NLRX1: variants seen among roughly 807,000 people sequenced by gnomAD.
NLRX1 encodes NLR family member X1.
NLRX1 carries 67 observed loss-of-function variants against 74.2 expected under a neutral mutation model. The ratio of observed to expected loss-of-function variants is 0.90; its 90% CI spans 0.74 to 1.11. The LOEUF is 1.11. Ranked by LOEUF, NLRX1 falls within the 50% of genes least tolerant of loss-of-function variation. The pLI is 0.00. For synonymous variants in NLRX1, 506 were observed against 559.1 expected (o/e 0.91, Z 1.34); for missense variants, 1,191 against 1,305.4 (o/e 0.91, Z 1.35).
Position 119,169,008 on chromosome 11 carries a change from C to G in NLRX1, c.-343C>G, listed in dbSNP as rs931033705. ...GTCCGCCCAGCCGACCCCTCTGGGC[C>G]GCGGCCGACGGCTCCCGGAACTGGG... On this transcript the variant is annotated 5_prime_UTR_variant, in exon 1 of 10. Transcript: ENST00000409109. The G allele has an allele frequency of 2.0e-5, 3 of 152,246 alleles. No homozygotes were observed. Among genetic ancestry groups the G allele is most frequent in the Non-Finnish European group, 4.4e-5 (3 of 68,068 alleles). The allele number at this position is 152,246 out of a possible 1,614,324, so 9.4% of individuals were successfully genotyped here.
At chr11:119,172,300 T>C (rs1023843657) in intron 2 of NLRX1, 56 bp from the exon 3 acceptor site, 6 of 1,350,364 alleles carry the variant, frequency 4.4e-6, no homozygotes, top group Non-Finnish European at 6.4e-6. Context: ...GATGTAGACA[T>C]GGGTTCTGTG....
chr11:119,168,373 G>C (rs73001306), upstream of NLRX1: 7 of 152,392 alleles, frequency 4.6e-5, no homozygotes, highest in Non-Finnish European at 7.3e-5. Flanking sequence ...CACACACATA[G>C]GTCTGGGCTC....
At position 119,179,894 on chromosome 11, in the gene NLRX1, A is replaced by C. The variant is rs773475362; in HGVS notation, c.1873A>C (p.Met625Leu). 9.3e-6 allele frequency: 15 copies of C among 1,611,958 alleles called. No individual in the cohort carries two copies. Among genetic ancestry groups the C allele is most frequent in the Non-Finnish European group, 1.3e-5 (15 of 1,178,746 alleles). Residue 625 changes from methionine to leucine, a missense_variant, in exon 7 of 10, where the codon ATG becomes CTG. Met to Leu is a conservative substitution (Grantham distance 15, BLOSUM62 2). Coordinates refer to ENST00000409109, the MANE Select transcript of NLRX1 (RefSeq NM_001282144.2). ...GGATGAAGTCTTCGAGCTCTTCCCC[A>C]TGTTCATGGGGGGGCTTCTCTCTGC... ...PEDEVFELFP[M>L]FMGGLLSAHN...
chr11:119,173,646 G>A lies in NLRX1; in HGVS notation c.397G>A (p.Glu133Lys). The A allele has an allele frequency of 6.2e-7, 1 of 1,614,098 alleles. No individual in the cohort carries two copies. The highest frequency in any genetic ancestry group is 8.5e-7 in the Non-Finnish European group (1 of 1,180,034). Residue 133 changes from glutamate to lysine, a missense_variant, in exon 5 of 10, where the codon GAG (glutamate) becomes AAG (lysine). Coordinates refer to ENST00000409109, the MANE Select transcript of NLRX1 (RefSeq NM_001282144.2). The surrounding 1 kb of genome is among the most constrained non-coding windows in gnomAD (Gnocchi z 4.0). Reference protein sequence around the residue: ...LLRPPAELALEHQPPQAGLPP... With the variant: ...LLRPPAELALKHQPPQAGLPP... ...TCGCCCACCCGCGGAGCTGGCCCTG[G>A]AGCATCAGCCACCCCAGGCCGGGCT...
chr11:119,181,169 A>T lies in NLRX1; in HGVS notation c.2268-2A>T, dbSNP rs775932820. The T allele has an allele frequency of 1.2e-6, 2 of 1,613,044 alleles. No homozygotes were observed. The highest frequency in any genetic ancestry group is 2.7e-5 in the African/African-American group (2 of 74,864). The stretch of plus-strand genomic sequence containing the variant: ...CTCCCCTCTGGCCACCTTCTGCTCC[A>T]GCTTGCAACTCAACAGCCTGGGCCC... On this transcript the variant is annotated splice_acceptor_variant, in intron 7 of 9. Coordinates refer to ENST00000409109, the MANE Select transcript of NLRX1 (RefSeq NM_001282144.2). LOFTEE classifies it high-confidence loss of function.
intron 8 of NLRX1, 62 bp from the exon 9 acceptor site, chr11:119,182,032 C>A (rs1258999771): frequency 1.3e-6 from 2 of 1,585,914 alleles, no homozygotes; most frequent in East Asian, 2.2e-5. Context: ...AGTACCACCC[C>A]CAACCTTGCC....
In NLRX1 at chr11:119,171,580, G is replaced by C. The variant is rs654647; in HGVS notation, c.70+107G>C. 6.8e-6 allele frequency: 5 copies of C among 739,934 alleles called. No individual in the cohort carries two copies. The East Asian group carries it at 1.4e-4, about 20-fold the overall frequency. The allele number at this position is 739,934 out of a possible 1,614,324, so 45.8% of individuals were successfully genotyped here. On this transcript the variant is annotated intron_variant, in intron 2 of 9. Coordinates refer to ENST00000409109, the MANE Select transcript of NLRX1 (RefSeq NM_001282144.2). ...CCAGACACCAGGTGCACTAGTCTCA[G>C]CTCCGTGGTTCTCTAGCTGTTGACC...
In NLRX1 at chr11:119,173,998, A is replaced by ACTTC; in HGVS notation, c.751_754dup (p.Arg252LeufsTer10). The ACTTC allele has an allele frequency of 6.2e-7, 1 of 1,614,078 alleles. No homozygotes were observed. The highest frequency in any genetic ancestry group is 8.5e-7 in the Non-Finnish European group (1 of 1,180,006). On this transcript the variant is annotated frameshift_variant, in exon 5 of 10. Transcript: ENST00000409109. LOFTEE classifies it high-confidence loss of function. This position sits in a 1 kb window ranked among gnomAD's most constrained non-coding sequence, Gnocchi z 4.0. Reference sequence around the variant, plus strand: ...CATGGCTTAGAGCATCTCAACCTCGACTTCCGGCTGGCAGGCACGGGACTT... The same window carrying ACTTC: ...CATGGCTTAGAGCATCTCAACCTCGACTTCCTTCCGGCTGGCAGGCACGGGACTT...
In NLRX1 at chr11:119,168,803, C is replaced by T. The variant is rs1049656446; in HGVS notation, c.-548C>T. ...CCGGGGTTCCAGCCCTGCGCCTGCT[C>T]CGGAGCACCGGGCCCCTCTCGCTGA... On this transcript the variant is annotated 5_prime_UTR_variant, in exon 1 of 10. Coordinates refer to ENST00000409109, the MANE Select transcript of NLRX1 (RefSeq NM_001282144.2). 6.6e-6 allele frequency: 1 copy of T among 152,242 alleles called. No individual in the cohort carries two copies. The highest frequency in any genetic ancestry group is 6.5e-5 in the Admixed American group (1 of 15,288). The allele number at this position is 152,242 out of a possible 1,614,324, so 9.4% of individuals were successfully genotyped here.
At position 119,171,476 on chromosome 11, in the gene NLRX1, G is replaced by A. The variant is rs777115526; in HGVS notation, c.70+3G>A. On this transcript the variant is annotated splice_donor_region_variant and intron_variant, in intron 2 of 9. Transcript: ENST00000409109. ...TAGAAGAGCACTCCAGCGACCAGGT[G>A]AGCAGGAAGCAGGGGTTTCTGTTTT... 7 of 1,609,040 alleles carry A rather than the reference G, an allele frequency of 4.4e-6. No individual in the cohort carries two copies. Among genetic ancestry groups the A allele is most frequent in the Non-Finnish European group, 6.0e-6 (7 of 1,175,450 alleles).
chr11:119,181,134 G>C, intron 7 of NLRX1, 37 bp from the exon 8 acceptor site: 1 of 1,473,876 alleles, frequency 6.8e-7, no homozygotes, highest in Non-Finnish European at 9.5e-7. Context: ...TTCCCTCCCT[G>C]GTCTCTCACC....
intron 8 of NLRX1, among the ~76,000 whole-genome samples, chr11:119,181,719 A>T (rs1948840599): frequency 6.6e-6 from 1 of 152,080 alleles, no homozygotes; most frequent in African/African-American, 2.4e-5. Context: ...AAGGAAGAGC[A>T]GGGAGAAGGA....
Position 119,172,957 on chromosome 11 carries a change from A to G in NLRX1, c.197A>G (p.His66Arg). The G allele has an allele frequency of 6.2e-7, 1 of 1,613,900 alleles. No homozygotes were observed. The highest frequency in any genetic ancestry group is 1.3e-5 in the African/African-American group (1 of 74,998). The stretch of plus-strand genomic sequence containing the variant: ...GATAGCGCTCCCCCACCCGGGAGGC[A>G]TGGACGGCTGTTCCCCAGCGCCTCT... ...SVDSAPPPGR[H>R]GRLFPSASAT... Residue 66 changes from histidine to arginine, a missense_variant, in exon 4 of 10, where the codon CAT becomes CGT. His to Arg is a conservative substitution (Grantham distance 29). Transcript: ENST00000409109.
Position 119,182,214 on chromosome 11 carries a change from G to A in NLRX1, c.2475G>A (p.Glu825=). The change falls in exon 9 of 10, where the codon GAG becomes GAA. Residue 825 remains glutamate, a synonymous_variant. Coordinates refer to ENST00000409109, the MANE Select transcript of NLRX1 (RefSeq NM_001282144.2). The part of the protein sequence containing the change: ...LHTGLGDEGL[E]LLAAQLDRNR... ...CGGGCCTTGGGGACGAAGGCCTGGA[G>A]CTGCTGGCTGCCCAGCTGGACCGCA... 2 of 1,614,012 alleles carry A rather than the reference G, an allele frequency of 1.2e-6. No individual in the cohort carries two copies. The highest frequency in any genetic ancestry group is 8.5e-7 in the Non-Finnish European group (1 of 1,180,036).
Position 119,175,025 on chromosome 11 carries a change from G to A in NLRX1, c.1422G>A (p.Leu474=). ...TGCACATCTTCCGTCGGGATGCCCT[G>A]AGGTTTTTCCTGGCCCCATGTGTGG... ...QLLHIFRRDA[L]RFFLAPCVEP... Residue 474 remains leucine (L), a synonymous_variant, in exon 6 of 10, where the codon CTG becomes CTA. Transcript: ENST00000409109. 5 of 1,614,156 alleles carry A rather than the reference G, an allele frequency of 3.1e-6. No homozygotes were observed. Among genetic ancestry groups the A allele is most frequent in the Admixed American group, 1.7e-5 (1 of 60,028 alleles).
chr11:119,172,779 A>G, intron 3 of NLRX1, 122 bp from the exon 4 acceptor site: 1 of 744,138 alleles, frequency 1.3e-6, no homozygotes. Context: ...TTGGGGGTCC[A>G]GTGTGGGGCC....
intron 2 of NLRX1, 93 bp downstream of exon 2, chr11:119,171,566 G>A: frequency 1.2e-6 from 1 of 867,784 alleles, no homozygotes; most frequent in Non-Finnish European, 1.9e-6. Context: ...CAGACACCAG[G>A]TGCACTAGTC....
chr11:119,182,527 G>A (rs1191393518), intron 9 of NLRX1, among the ~76,000 whole-genome samples, 182 bp downstream of exon 9: 3 of 152,062 alleles, frequency 2.0e-5, no homozygotes, highest in South Asian at 2.1e-4. Context: ...TGTGACTGGC[G>A]CTTAAACTGC....
At chr11:119,181,580 C>T (rs1440628271) in intron 8 of NLRX1, among the ~76,000 whole-genome samples, 1 of 152,174 alleles carries the variant, frequency 6.6e-6, no homozygotes, top group East Asian at 1.9e-4. Flanking sequence ...TTCTTGCAGC[C>T]TCCCGAGGAG....
Sources: allele counts gnomAD v4.1 joint callset (sites outside exome capture counted in the v4.1 genomes callset), GRCh38; gene constraint gnomAD v4.1.1; non-coding constraint Gnocchi (gnomAD v3.1); transcripts MANE v1.5; gene names NCBI Gene and HGNC (gene_info 2026-07-23, HGNC 2026-07-21).